The following SMU1 variants were observed in gnomAD, a reference collection of about 807,000 sequenced individuals.
SMU1 encodes WD40 repeat-containing protein SMU1.
SMU1 carries 2 observed loss-of-function variants against 62.0 expected under a neutral mutation model. The observed-to-expected ratio is 0.03, with a 90% CI of 0.01 to 0.10. The LOEUF (loss-of-function observed/expected upper bound fraction) is 0.10, where lower values mean the gene tolerates loss of function less well. Ranked by LOEUF, SMU1 falls within the 10% of genes least tolerant of loss-of-function variation. The probability of loss-of-function intolerance (pLI) is 1.00; values close to 1 mark genes in which losing one functional copy is unlikely to be tolerated. For missense variants in SMU1, 227 were observed against 622.1 expected, an observed-to-expected ratio of 0.36 and a Z score of 6.76; for synonymous variants, 188 against 212.4, an observed-to-expected ratio of 0.89 and a Z score of 1.00.
intron 9 of SMU1, 58 bp downstream of exon 9, chr9:33,056,055 C>T (rs1307894045): frequency 1.9e-6 from 3 of 1,539,020 alleles, no homozygotes; most frequent in South Asian, 2.4e-5. Context: ...ACTGAAAACT[C>T]CTCAAAGGAC....
Position 33,046,892 on chromosome 9 carries a change from CAAA to C in SMU1, c.*398_*400del, listed in dbSNP as rs749026086. 6.4e-5 allele frequency: 6 copies of C among 94,160 alleles called. No individual in the cohort carries two copies. The highest frequency in any genetic ancestry group is 3.1e-4 in the East Asian group (1 of 3,268). The allele number at this position is 94,160 out of a possible 1,614,324, so 5.8% of individuals were successfully genotyped here. ...CTGGGCAACAAGCAAAACTCCATCT[CAAA>C]AAAAAAAAAAAAGATGGAACAGAAC... On this transcript the variant is annotated 3_prime_UTR_variant, in exon 12 of 12. Transcript: ENST00000397149.
At position 33,045,996 on chromosome 9, in the gene SMU1, T is replaced by C. The variant is rs1006503872; in HGVS notation, c.*1297A>G. 3.9e-5 allele frequency: 6 copies of C among 152,348 alleles called. No individual in the cohort carries two copies. The highest frequency in any genetic ancestry group is 3.4e-3 in the Middle Eastern group (1 of 294). The allele number at this position is 152,348 out of a possible 1,614,324, so 9.4% of individuals were successfully genotyped here. On this transcript the variant is annotated 3_prime_UTR_variant, in exon 12 of 12. Coordinates refer to ENST00000397149, the MANE Select transcript of SMU1 (RefSeq NM_018225.3). The stretch of plus-strand genomic sequence containing the variant: ...AAATAAGAACTCACGTTCTTGAAAG[T>C]ACTGCCTAGCATGGTATCTTCCTCA...
At chr9:33,064,117 T>A (rs79424717) in intron 4 of SMU1, among the ~76,000 whole-genome samples, 6 of 152,038 alleles carry the variant, frequency 3.9e-5, no homozygotes, top group Admixed American at 1.3e-4. Context: ...TTTTTTTTTT[T>A]AAAGAGAGGG....
At chr9:33,062,916 T>G (rs1839378960) in intron 4 of SMU1, among the ~76,000 whole-genome samples, 1 of 152,222 alleles carries the variant, frequency 6.6e-6, no homozygotes, top group Non-Finnish European at 1.5e-5. Flanking sequence ...AGAGCTGCTT[T>G]CCAAAAAAAG....
In SMU1 at chr9:33,076,616, T is replaced by C; in HGVS notation, c.-8A>G. 1 of 1,613,880 alleles carries C rather than the reference T, an allele frequency of 6.2e-7. No homozygotes were observed. The highest frequency in any genetic ancestry group is 8.5e-7 in the Non-Finnish European group (1 of 1,180,006). On this transcript the variant is annotated 5_prime_UTR_variant, in exon 1 of 12. Coordinates refer to ENST00000397149, the MANE Select transcript of SMU1 (RefSeq NM_018225.3). ...TTCGATTTCGATCGACATAGCCGTATCTCTCCGGGAGCAGGCCCCAGCTCT... is the reference window on the plus strand; with the variant it reads ...TTCGATTTCGATCGACATAGCCGTACCTCTCCGGGAGCAGGCCCCAGCTCT...
chr9:33,070,889 G>C (rs1178032615), intron 3 of SMU1, among the ~76,000 whole-genome samples: 1 of 151,736 alleles, frequency 6.6e-6, no homozygotes, highest in East Asian at 1.9e-4. Flanking sequence ...AGGTGGCGGG[G>C]GTAAGAAGGA....
chr9:33,061,594 AT>A (rs1424178471), intron 5 of SMU1, among the ~76,000 whole-genome samples: 1 of 152,170 alleles, frequency 6.6e-6, no homozygotes, highest in Non-Finnish European at 1.5e-5. Context: ...TAAATAAAAA[AT>A]TTTAAAAAAC....
chr9:33,060,359 T>C (rs909384056), intron 6 of SMU1, 106 bp downstream of exon 6: 23 of 985,640 alleles, frequency 2.3e-5, no homozygotes, highest in Non-Finnish European at 3.5e-5. Context: ...ACATGTTCAT[T>C]ACATACAGAT....
At chr9:33,062,631 A>C (rs1340891787) in intron 4 of SMU1, among the ~76,000 whole-genome samples, 2 of 152,160 alleles carry the variant, frequency 1.3e-5, no homozygotes, top group African/African-American at 4.8e-5. Flanking sequence ...TATTAGTCAC[A>C]GCTATCATTT....
chr9:33,055,224 T>C (rs1217329872), intron 9 of SMU1, among the ~76,000 whole-genome samples: 1 of 152,176 alleles, frequency 6.6e-6, no homozygotes, highest in African/African-American at 2.4e-5. Flanking sequence ...TTGCCCAGGC[T>C]GAAGTACAGT....
intron 4 of SMU1, among the ~76,000 whole-genome samples, chr9:33,065,066 A>G (rs989704713): frequency 6.6e-6 from 1 of 152,042 alleles, no homozygotes; most frequent in African/African-American, 2.4e-5. Flanking sequence ...CTTCTTCTAC[A>G]TGCTTTCCCT....
At chr9:33,075,149 G>A (rs1306229693) in intron 1 of SMU1, among the ~76,000 whole-genome samples, 3 of 152,170 alleles carry the variant, frequency 2.0e-5, no homozygotes, top group Non-Finnish European at 4.4e-5. Flanking sequence ...GGCCGAGGCG[G>A]GCAGATCACA....
At chr9:33,071,578 C>G (rs982004588) in intron 3 of SMU1, among the ~76,000 whole-genome samples, 162 bp downstream of exon 3, 5 of 150,780 alleles carry the variant, frequency 3.3e-5, no homozygotes, top group African/African-American at 1.2e-4. Context: ...CTTTAACATA[C>G]GCAAATTTCA....
chr9:33,067,987 C>T (rs1057052140), intron 4 of SMU1, among the ~76,000 whole-genome samples: 3 of 152,114 alleles, frequency 2.0e-5, no homozygotes, highest in African/African-American at 7.2e-5. Context: ...GCTGGCAACA[C>T]TATTAGTAAT....
At chr9:33,075,376 CAA>C (rs540489141) in intron 1 of SMU1, among the ~76,000 whole-genome samples, 4 of 136,890 alleles carry the variant, frequency 2.9e-5, no homozygotes, top group African/African-American at 2.7e-5. Context: ...GACTCCGTCT[CAA>C]AAAAAAAAAA....
intron 6 of SMU1, among the ~76,000 whole-genome samples, chr9:33,059,291 T>A (rs543093668): frequency 6.6e-6 from 1 of 152,050 alleles, no homozygotes; most frequent in South Asian, 2.1e-4. Flanking sequence ...CACAGGATAT[T>A]CCAGTAAAGT....
chr9:33,055,903 G>A lies in SMU1; in HGVS notation c.1122+210C>T, dbSNP rs536537553. ...TTCCTACACATGATAAAGTTTGTTT[G>A]GATTGAAAAGGTTTGAGATTGGGGT... On this transcript the variant is annotated intron_variant, in intron 9 of 11. Transcript: ENST00000397149. Among the ~76,000 whole-genome samples, 107 of 152,298 alleles carry A rather than the reference G, an allele frequency of 7.0e-4. 4 individuals carry two copies. The South Asian group carries it at 0.022, about 31-fold the overall frequency.
rs745527392 is a variant in SMU1 at position 33,046,214 on chromosome 9, T to C, written c.*1079A>G. On this transcript the variant is annotated 3_prime_UTR_variant, in exon 12 of 12. Transcript: ENST00000397149. The stretch of plus-strand genomic sequence containing the variant: ...CTTTGGAACAACAGCACATTTTCAA[T>C]GCCAAACCTTCTCCTACAACATACA... 5 of 152,230 alleles carry C rather than the reference T, an allele frequency of 3.3e-5. No individual in the cohort carries two copies. Among genetic ancestry groups the C allele is most frequent in the Non-Finnish European group, 5.9e-5 (4 of 68,034 alleles). The allele number at this position is 152,230 out of a possible 1,614,324, so 9.4% of individuals were successfully genotyped here. A position where few individuals can be genotyped will look rare whatever the true frequency, so the allele number is the denominator to read the frequency against.
At chr9:33,049,391 A>G (rs1839218849) in intron 10 of SMU1, among the ~76,000 whole-genome samples, 1 of 152,240 alleles carries the variant, frequency 6.6e-6, no homozygotes, top group South Asian at 2.1e-4. Flanking sequence ...CATGCAAGAA[A>G]ATGTATCTAG....
Sources: allele counts gnomAD v4.1 joint callset (sites outside exome capture counted in the v4.1 genomes callset), GRCh38; gene constraint gnomAD v4.1.1; transcripts MANE v1.5; gene names NCBI Gene and HGNC (gene_info 2026-07-23, HGNC 2026-07-21).